Variants in FBXO4 observed in about 807,000 individuals in gnomAD.
FBXO4 encodes F-box protein 4, also known as F-box only protein 4.
FBXO4 carries 36 observed loss-of-function variants against 43.7 expected under a neutral mutation model. The ratio of observed to expected loss-of-function variants is 0.82; its 90% CI spans 0.63 to 1.09. The LOEUF (loss-of-function observed/expected upper bound fraction) is 1.09, where lower values mean the gene tolerates loss of function less well. FBXO4 is among the 50% of genes least tolerant of loss of function. FBXO4 has a pLI of 0.00. For missense variants in FBXO4, 435 were observed against 474.1 expected (o/e 0.92, Z 0.77); for synonymous variants, 180 against 165.6 (o/e 1.09, Z -0.67).
downstream of FBXO4, among the ~76,000 whole-genome samples, chr5:41,946,091 AAC>A (rs2112594350): frequency 6.6e-6 from 1 of 152,244 alleles, no homozygotes; most frequent in South Asian, 2.1e-4. Context: ...GCCCTCACTA[AAC>A]TTAATAATAA....
chr5:41,999,172 C>T, the FBXO4 span, among the ~76,000 whole-genome samples: 1 of 151,642 alleles, frequency 6.6e-6, no homozygotes, highest in African/African-American at 2.4e-5. Flanking sequence ...TTTTGCATAA[C>T]TCTGTAAACA....
chr5:41,961,915 C>T, the FBXO4 span, among the ~76,000 whole-genome samples: 4 of 152,168 alleles, frequency 2.6e-5, 1 homozygote, highest in Admixed American at 2.6e-4. Flanking sequence ...CAACTGATAG[C>T]AACAGCCTTT....
At chr5:42,001,769 A>G in the FBXO4 span, among the ~76,000 whole-genome samples, 76 of 152,096 alleles carry the variant, frequency 5.0e-4, 1 homozygote, top group Admixed American at 4.3e-3. Context: ...TCAACTCACT[A>G]CAAACTCTGC....
At chr5:42,013,307 G>A in the FBXO4 span, among the ~76,000 whole-genome samples, 1 of 152,026 alleles carries the variant, frequency 6.6e-6, no homozygotes, top group Admixed American at 6.5e-5. Context: ...GGAAAGAAAG[G>A]TTTCTATAGC....
the FBXO4 span, among the ~76,000 whole-genome samples, chr5:41,956,222 C>A: frequency 6.6e-6 from 1 of 152,074 alleles, no homozygotes; most frequent in African/African-American, 2.4e-5. Flanking sequence ...GTTCAAGAAG[C>A]TGGAGTAAGG....
At chr5:41,953,780 C>T in the FBXO4 span, among the ~76,000 whole-genome samples, 4 of 151,238 alleles carry the variant, frequency 2.6e-5, no homozygotes, top group Non-Finnish European at 5.9e-5. Flanking sequence ...TGTCTTTTGG[C>T]TGCATAAATG....
chr5:42,034,930 A>AT, the FBXO4 span, among the ~76,000 whole-genome samples: 2 of 152,138 alleles, frequency 1.3e-5, no homozygotes, highest in Non-Finnish European at 1.5e-5. Context: ...TGGGAATAGC[A>AT]TGGAATCTAT....
At chr5:42,033,937 C>A in the FBXO4 span, among the ~76,000 whole-genome samples, 478 of 152,312 alleles carry the variant, frequency 3.1e-3, 4 homozygotes, top group African/African-American at 0.011. Flanking sequence ...AATCACCACA[C>A]TGTATTCAGC....
At chr5:41,945,676 C>A (rs1752067554), downstream of FBXO4, among the ~76,000 whole-genome samples, 1 of 152,102 alleles carries the variant, frequency 6.6e-6, no homozygotes, top group African/African-American at 2.4e-5. Context: ...TTATGGAGAG[C>A]CTATAAATGG....
the FBXO4 span, among the ~76,000 whole-genome samples, chr5:42,024,736 C>T: frequency 6.6e-5 from 10 of 152,178 alleles, no homozygotes; most frequent in South Asian, 1.9e-3. Context: ...AACCATCCTT[C>T]TACTCTCTAT....
At position 41,941,316 on chromosome 5, in the gene FBXO4, G is replaced by T. The variant is rs532213620; in HGVS notation, c.*35G>T. 3.8e-6 allele frequency: 6 copies of T among 1,570,812 alleles called. No homozygotes were observed. In the South Asian group the frequency reaches 4.4e-5, roughly 12 times the overall value. ...CAGATCTTGGGAACTGAAACCATTT[G>T]AAATTTATTACTAAGGTCGTGATGT... On this transcript the variant is annotated 3_prime_UTR_variant, in exon 7 of 7. Coordinates refer to ENST00000281623, the MANE Select transcript of FBXO4 (RefSeq NM_012176.3).
At chr5:41,939,735 C>CTTCCATAGA in intron 6 of FBXO4, 119 bp downstream of exon 6, 2 of 755,970 alleles carry the variant, frequency 2.6e-6, no homozygotes, top group Non-Finnish European at 4.0e-6. Flanking sequence ...ATTTTAATAG[C>CTTCCATAGA]TTAATCTATG....
At chr5:41,957,490 A>T in the FBXO4 span, among the ~76,000 whole-genome samples, 2 of 149,022 alleles carry the variant, frequency 1.3e-5, no homozygotes, top group Admixed American at 1.3e-4. Context: ...AATAATTATA[A>T]TAATCCTTGC....
At chr5:41,969,119 G>A in the FBXO4 span, among the ~76,000 whole-genome samples, 1 of 152,080 alleles carries the variant, frequency 6.6e-6, no homozygotes, top group Non-Finnish European at 1.5e-5. Context: ...TCACACATTT[G>A]TTGACATACG....
chr5:42,010,441 G>A, the FBXO4 span, among the ~76,000 whole-genome samples: 1 of 151,626 alleles, frequency 6.6e-6, no homozygotes, highest in African/African-American at 2.4e-5. Flanking sequence ...CTGGGCAGCA[G>A]AGGTTGTAGT....
At position 41,929,686 on chromosome 5, in the gene FBXO4, A is replaced by T; in HGVS notation, c.426-11A>T. On this transcript the variant is annotated splice_polypyrimidine_tract_variant and intron_variant, in intron 2 of 6. Transcript: ENST00000281623. ...CTGTGTTAATGTTCTAATTGTGACA[A>T]TTTTTTACAGCTATAGAATGTGCTG... 1 of 1,564,262 alleles carries T rather than the reference A, an allele frequency of 6.4e-7. No individual in the cohort carries two copies. Among genetic ancestry groups the T allele is most frequent in the Non-Finnish European group, 8.6e-7 (1 of 1,159,540 alleles).
chr5:41,964,958 C>T, the FBXO4 span, among the ~76,000 whole-genome samples: 1 of 152,102 alleles, frequency 6.6e-6, no homozygotes, highest in Non-Finnish European at 1.5e-5. Flanking sequence ...AGTCCTTGCC[C>T]ATGCCTATGT....
the FBXO4 span, among the ~76,000 whole-genome samples, chr5:42,001,269 A>G: frequency 1.1e-4 from 17 of 152,270 alleles, 1 homozygote; most frequent in South Asian, 3.3e-3. Flanking sequence ...TTGCTCTGTC[A>G]CCCAGAGTGG....
At chr5:41,999,555 A>AAG in the FBXO4 span, among the ~76,000 whole-genome samples, 1 of 122,266 alleles carries the variant, frequency 8.2e-6, no homozygotes, top group African/African-American at 3.5e-5. Context: ...GTATATATAT[A>AAG]TATATATGTA....
Sources: gnomAD v4.1 joint callset for allele counts (sites outside exome capture counted in the v4.1 genomes callset) on GRCh38, gnomAD v4.1.1 for gene constraint, MANE v1.5 for transcripts, NCBI Gene and HGNC (gene_info 2026-07-23, HGNC 2026-07-21) for gene names.